VDAC1: variants seen among roughly 807,000 people sequenced by gnomAD.
VDAC1 encodes non-selective voltage-gated ion channel VDAC1.
Under a neutral mutation model 34.7 loss-of-function variants are expected in VDAC1, and 10 were observed. That is an observed-to-expected ratio of 0.29 (90% CI 0.18 to 0.49). The LOEUF is 0.49. Among genes scored for constraint, VDAC1 ranks in the 20% least tolerant of loss-of-function variants. VDAC1 has a pLI of 0.99. For synonymous variants in VDAC1, 130 were observed against 136.0 expected (o/e 0.96, Z 0.30); for missense variants, 230 against 347.9 (o/e 0.66, Z 2.69).
intron 2 of VDAC1, 83 bp from the exon 3 acceptor site, chr5:133,992,438 G>A: frequency 8.8e-7 from 1 of 1,135,954 alleles, no homozygotes; most frequent in Non-Finnish European, 1.2e-6. Flanking sequence ...GCTTCAGGAT[G>A]CTTTTTTAAA....
chr5:134,096,712 G>A, the VDAC1 span, among the ~76,000 whole-genome samples: 1 of 151,998 alleles, frequency 6.6e-6, no homozygotes, highest in Non-Finnish European at 1.5e-5. Flanking sequence ...TCCCACCTCA[G>A]CCTCCCAAGT....
intron 6 of VDAC1, among the ~76,000 whole-genome samples, chr5:133,980,418 C>T (rs1308754125): frequency 1.3e-5 from 2 of 152,160 alleles, no homozygotes; most frequent in African/African-American, 2.4e-5. Context: ...AAAACAAAAA[C>T]TGCAGGGAAT....
the VDAC1 span, among the ~76,000 whole-genome samples, chr5:134,091,661 A>G: frequency 6.6e-6 from 1 of 151,706 alleles, no homozygotes; most frequent in Non-Finnish European, 1.5e-5. Flanking sequence ...ACACAGGTAC[A>G]AGCAGAAAAA....
chr5:134,059,964 A>AC, the VDAC1 span, among the ~76,000 whole-genome samples: 1 of 151,346 alleles, frequency 6.6e-6, no homozygotes, highest in Non-Finnish European at 1.5e-5. Flanking sequence ...AATCACACCC[A>AC]CCCCCAGGAC....
chr5:134,046,644 T>G, the VDAC1 span, among the ~76,000 whole-genome samples: 1 of 152,232 alleles, frequency 6.6e-6, no homozygotes, highest in South Asian at 2.1e-4. Context: ...TTAATGGGCT[T>G]GACCAAGGGC....
chr5:134,094,420 C>T, the VDAC1 span, among the ~76,000 whole-genome samples: 3 of 152,040 alleles, frequency 2.0e-5, no homozygotes, highest in Non-Finnish European at 4.4e-5. Flanking sequence ...ATGAAATGGC[C>T]GGGCGCGGTG....
chr5:134,032,695 A>T, the VDAC1 span, among the ~76,000 whole-genome samples: 1 of 152,196 alleles, frequency 6.6e-6, no homozygotes, highest in Non-Finnish European at 1.5e-5. Context: ...AATACAAAAG[A>T]GTATGTATGG....
chr5:134,061,811 T>C, the VDAC1 span, among the ~76,000 whole-genome samples: 3 of 151,918 alleles, frequency 2.0e-5, no homozygotes, highest in East Asian at 5.8e-4. Context: ...TGTTGAGTGG[T>C]ATCAGTGGTA....
At chr5:133,995,054 C>T (rs1170826828) in intron 1 of VDAC1, among the ~76,000 whole-genome samples, 2 of 152,172 alleles carry the variant, frequency 1.3e-5, no homozygotes, top group Non-Finnish European at 2.9e-5. Flanking sequence ...CAAATGCCCT[C>T]TCTCATCGCT....
the VDAC1 span, among the ~76,000 whole-genome samples, chr5:134,023,869 A>C: frequency 6.6e-5 from 10 of 152,170 alleles, no homozygotes; most frequent in Non-Finnish European, 1.0e-4. Flanking sequence ...ACAGTGGCTC[A>C]TGCCTGTAAT....
the VDAC1 span, among the ~76,000 whole-genome samples, chr5:134,058,459 A>G: frequency 2.6e-5 from 4 of 151,840 alleles, no homozygotes; most frequent in Admixed American, 6.6e-5. Flanking sequence ...GACTACAGGC[A>G]CCCGCCACCA....
chr5:134,097,455 C>T, the VDAC1 span, among the ~76,000 whole-genome samples: 2 of 152,210 alleles, frequency 1.3e-5, no homozygotes, highest in Non-Finnish European at 2.9e-5. Flanking sequence ...TCATCAAGAA[C>T]TTCATCCAGA....
chr5:133,988,015 A>G (rs1356323772), intron 5 of VDAC1, among the ~76,000 whole-genome samples: 1 of 152,098 alleles, frequency 6.6e-6, no homozygotes, highest in African/African-American at 2.4e-5. Context: ...CTCTTTTTCA[A>G]AAGTGTCAGA....
chr5:134,098,943 C>A, the VDAC1 span, among the ~76,000 whole-genome samples: 117 of 152,338 alleles, frequency 7.7e-4, 1 homozygote, highest in Admixed American at 4.5e-3. Context: ...TGTTCAGGAG[C>A]AGTGGGCAAG....
chr5:134,113,207 G>A, the VDAC1 span, among the ~76,000 whole-genome samples: 1 of 152,180 alleles, frequency 6.6e-6, no homozygotes. Context: ...TAATGGGCAG[G>A]GTCCCCCTCA....
At chr5:133,977,134 A>G (rs1752511816) in intron 6 of VDAC1, among the ~76,000 whole-genome samples, 1 of 152,252 alleles carries the variant, frequency 6.6e-6, no homozygotes, top group African/African-American at 2.4e-5. Context: ...GTGGGGCTGC[A>G]CATATGCCTC....
the VDAC1 span, among the ~76,000 whole-genome samples, chr5:134,041,916 C>T: frequency 1.3e-5 from 2 of 152,220 alleles, no homozygotes; most frequent in East Asian, 3.9e-4. Context: ...TGAGGTGACC[C>T]ATTTCCCTCA....
the VDAC1 span, among the ~76,000 whole-genome samples, chr5:134,109,725 G>A: frequency 1.3e-5 from 2 of 149,766 alleles, no homozygotes; most frequent in Non-Finnish European, 2.9e-5. Flanking sequence ...AGCCGAGATC[G>A]TGCCACTGCC....
At chr5:134,010,322 G>A in the VDAC1 span, among the ~76,000 whole-genome samples, 1 of 152,090 alleles carries the variant, frequency 6.6e-6, no homozygotes, top group Non-Finnish European at 1.5e-5. Context: ...GGGGGTCCGG[G>A]CGTGGTGGCT....
Sources: gnomAD v4.1 joint callset for allele counts (sites outside exome capture counted in the v4.1 genomes callset) on GRCh38, gnomAD v4.1.1 for gene constraint, MANE v1.5 for transcripts, NCBI Gene and HGNC (gene_info 2026-07-23, HGNC 2026-07-21) for gene names.